Variants in ARIH2 observed in about 807,000 individuals in gnomAD.
The protein encoded by ARIH2 is ariadne RBR E3 ubiquitin protein ligase 2.
Under a neutral mutation model 79.8 loss-of-function variants are expected in ARIH2, and 12 were observed. That is an observed-to-expected ratio of 0.15 (90% confidence interval 0.10 to 0.24). The LOEUF is 0.24. ARIH2 is among the 10% of genes least tolerant of loss of function. The pLI, the probability that ARIH2 is intolerant of heterozygous loss-of-function variation, is 1.00. For missense variants in ARIH2, 301 were observed against 618.3 expected, an observed-to-expected ratio of 0.49 and a Z score of 5.44; for synonymous variants, 224 against 213.9, an observed-to-expected ratio of 1.05 and a Z score of -0.41.
chr3:48,957,797 C>G (rs2107490015), intron 3 of ARIH2, among the ~76,000 whole-genome samples: 1 of 152,300 alleles, frequency 6.6e-6, no homozygotes, highest in East Asian at 1.9e-4. Context: ...CTCACTACAA[C>G]CTCCGCCTCC....
At chr3:48,971,498 C>T (rs1262490839) in intron 8 of ARIH2, among the ~76,000 whole-genome samples, 3 of 152,232 alleles carry the variant, frequency 2.0e-5, no homozygotes, top group Non-Finnish European at 4.4e-5. Flanking sequence ...CCGCCTTGGG[C>T]TCCCAAAGTG....
intron 5 of ARIH2, among the ~76,000 whole-genome samples, chr3:48,966,243 C>A (rs188473738): frequency 9.2e-5 from 14 of 152,316 alleles, no homozygotes; most frequent in Non-Finnish European, 2.9e-5. Context: ...ATAATTTCTG[C>A]AGCCTCTTAA....
In ARIH2 at chr3:48,961,588, A is replaced by AT. The variant is rs751509219; in HGVS notation, c.256-16dup. ...TAAAAGAAAATGCAGTTATAATTCG[A>AT]TTTTTTTTCTTTCTTCTTTCTAGGT... On this transcript the variant is annotated intron_variant, in intron 3 of 15. Coordinates refer to ENST00000356401, the MANE Select transcript of ARIH2 (RefSeq NM_006321.4). 8.4e-4 allele frequency: 1,227 copies of AT among 1,462,284 alleles called. 3 individuals are homozygous for AT. Among genetic ancestry groups the AT allele is most frequent in the Non-Finnish European group, 1.1e-3 (1,103 of 1,045,554 alleles). 90.6% of individuals were successfully genotyped at this position (1,462,284 alleles called of 1,614,324 possible). A position where few individuals can be genotyped will look rare whatever the true frequency, so the allele number is the denominator to read the frequency against.
intron 3 of ARIH2, among the ~76,000 whole-genome samples, chr3:48,934,076 A>T (rs143062165): frequency 1.1e-4 from 16 of 152,238 alleles, no homozygotes; most frequent in African/African-American, 3.9e-4. Context: ...AAATCTCTCT[A>T]AGATTCTGCT....
chr3:48,958,450 G>T (rs368216552), intron 3 of ARIH2, among the ~76,000 whole-genome samples: 1 of 152,120 alleles, frequency 6.6e-6, no homozygotes, highest in African/African-American at 2.4e-5. Flanking sequence ...GGTGGCTCAC[G>T]CCTGTAATCC....
At chr3:48,948,789 T>C (rs1399061426) in intron 3 of ARIH2, among the ~76,000 whole-genome samples, 1 of 152,248 alleles carries the variant, frequency 6.6e-6, no homozygotes, top group African/African-American at 2.4e-5. Flanking sequence ...TCATACAATT[T>C]GAATTATACA....
Position 48,970,296 on chromosome 3 carries a change from G to A in ARIH2, c.661-299G>A, listed in dbSNP as rs561929430. Reference sequence around the variant, plus strand: ...AGCCTGAAATTTCAGGCCTCAAGCAGTCTTCCCACCTCAGCCTCCTGAGTA... The same window carrying A: ...AGCCTGAAATTTCAGGCCTCAAGCAATCTTCCCACCTCAGCCTCCTGAGTA... On this transcript the variant is annotated intron_variant, in intron 7 of 15. Transcript: ENST00000356401. Among the ~76,000 whole-genome samples the A allele has an allele frequency of 2.0e-5, 3 of 152,086 alleles. No homozygotes were observed. In the South Asian group the frequency reaches 6.2e-4, roughly 32 times the overall value.
chr3:48,928,399 C>T (rs1238714642), intron 3 of ARIH2, among the ~76,000 whole-genome samples: 1 of 152,198 alleles, frequency 6.6e-6, no homozygotes, highest in Admixed American at 6.5e-5. Context: ...TTATTTAACA[C>T]ATAAGCTAAA....
At chr3:48,979,394 G>A in intron 11 of ARIH2, 88 bp from the exon 12 acceptor site, 1 of 1,456,236 alleles carries the variant, frequency 6.9e-7, no homozygotes, top group Non-Finnish European at 9.3e-7. Flanking sequence ...CCCTTTGGGA[G>A]CAGGGTCTGT....
chr3:48,979,928 C>CT (rs1409819922), intron 12 of ARIH2: 11 of 266,000 alleles, frequency 4.1e-5, no homozygotes, highest in Non-Finnish European at 6.9e-5. Flanking sequence ...TTTTTTTTTT[C>CT]TTTTTTCTAC....
Position 48,968,552 on chromosome 3 carries a change from A to C in ARIH2, c.557A>C (p.Gln186Pro). The change falls in exon 7 of 16, where the codon CAG (glutamine) becomes CCG (proline). Residue 186 changes from glutamine to proline, a missense_variant. Transcript: ENST00000356401. Reference sequence around the variant, plus strand: ...TCAACAGGAGTCTCTTGCATGGCTCAGGACTGTCCACTCCGTACACCAGAG... The same window carrying C: ...TCAACAGGAGTCTCTTGCATGGCTCCGGACTGTCCACTCCGTACACCAGAG... Reference protein sequence around the residue: ...GVGVGVSCMAQDCPLRTPEDF... With the variant: ...GVGVGVSCMAPDCPLRTPEDF... 6.2e-7 allele frequency: 1 copy of C among 1,610,226 alleles called. No individual in the cohort carries two copies. Among genetic ancestry groups the C allele is most frequent in the Non-Finnish European group, 8.5e-7 (1 of 1,177,302 alleles).
chr3:48,927,803 C>T lies in ARIH2; in HGVS notation c.245C>T (p.Ser82Phe). Residue 82 changes from serine (S) to phenylalanine (F), a missense_variant, in exon 3 of 16, where the codon TCT becomes TTT. Coordinates refer to ENST00000356401, the MANE Select transcript of ARIH2 (RefSeq NM_006321.4). ...ALNEHMTSLA[S>F]VLKVSHSVAK... The stretch of plus-strand genomic sequence containing the variant: ...AATGAGCACATGACCAGCTTAGCTT[C>T]TGTCCTAAAGGTGAGCAGTGTTGTA... 1 of 1,614,140 alleles carries T rather than the reference C, an allele frequency of 6.2e-7. No individual in the cohort carries two copies. The highest frequency in any genetic ancestry group is 8.5e-7 in the Non-Finnish European group (1 of 1,180,000).
chr3:48,942,562 T>C, intron 3 of ARIH2, among the ~76,000 whole-genome samples: 1 of 151,406 alleles, frequency 6.6e-6, no homozygotes, highest in Admixed American at 6.6e-5. Context: ...GAGTGCAACC[T>C]CCGCCTCCCC....
chr3:48,925,532 G>T (rs532337104), intron 2 of ARIH2, among the ~76,000 whole-genome samples: 1 of 151,830 alleles, frequency 6.6e-6, no homozygotes, highest in Admixed American at 6.6e-5. Context: ...AAAGTTCTGG[G>T]ATTATAGTTG....
chr3:48,956,558 G>A (rs1160031113), intron 3 of ARIH2, among the ~76,000 whole-genome samples: 1 of 145,752 alleles, frequency 6.9e-6, no homozygotes, highest in African/African-American at 2.6e-5. Flanking sequence ...AGCCTCCTGA[G>A]TAGCTGGGAC....
At chr3:48,948,453 T>C (rs2089509656) in intron 3 of ARIH2, among the ~76,000 whole-genome samples, 1 of 151,912 alleles carries the variant, frequency 6.6e-6, no homozygotes, top group African/African-American at 2.4e-5. Flanking sequence ...TTTTTAGTGC[T>C]AATTTTATAT....
chr3:48,942,347 A>T (rs1304145174), intron 3 of ARIH2, among the ~76,000 whole-genome samples: 1 of 152,162 alleles, frequency 6.6e-6, no homozygotes, highest in Non-Finnish European at 1.5e-5. Context: ...CACTACGTCC[A>T]GCCAAGCCTC....
intron 7 of ARIH2, 75 bp downstream of exon 7, chr3:48,968,730 T>C (rs1467134615): frequency 6.4e-7 from 1 of 1,550,606 alleles, no homozygotes; most frequent in African/African-American, 1.4e-5. Flanking sequence ...AGTTACTTAC[T>C]TTGTAGACTA....
intron 6 of ARIH2, 32 bp downstream of exon 6, chr3:48,967,307 G>T (rs762908014): frequency 3.7e-6 from 6 of 1,603,128 alleles, no homozygotes; most frequent in East Asian, 4.5e-5. Context: ...TAAAAAGCTG[G>T]CATGAAGTGT....
Sources: gnomAD v4.1 joint callset for allele counts (sites outside exome capture counted in the v4.1 genomes callset) on GRCh38, gnomAD v4.1.1 for gene constraint, MANE v1.5 for transcripts, NCBI Gene and HGNC (gene_info 2026-07-23, HGNC 2026-07-21) for gene names.